The following SLC30A9 variants were observed in gnomAD, a reference collection of about 807,000 sequenced individuals.
SLC30A9 encodes proton-coupled zinc antiporter SLC30A9, mitochondrial.
Under a neutral mutation model 87.5 loss-of-function variants are expected in SLC30A9, and 58 were observed. That is an observed-to-expected ratio of 0.66 (90% CI 0.54 to 0.82). SLC30A9 has a LOEUF of 0.82. SLC30A9 is among the 40% of genes least tolerant of loss of function. The probability of loss-of-function intolerance (pLI) is 0.00; values close to 1 mark genes in which losing one functional copy is unlikely to be tolerated. For synonymous variants in SLC30A9, 234 were observed against 233.0 expected, an observed-to-expected ratio of 1.00 and a Z score of -0.04; for missense variants, 557 against 679.1, an observed-to-expected ratio of 0.82 and a Z score of 2.00.
intron 17 of SLC30A9, among the ~76,000 whole-genome samples, chr4:42,080,078 C>A (rs989353317): frequency 6.6e-6 from 1 of 152,052 alleles, no homozygotes; most frequent in Non-Finnish European, 1.5e-5. Flanking sequence ...ATTGTTTGGC[C>A]GAAGAACATG....
At chr4:41,990,839 C>T in intron 1 of SLC30A9, 79 bp downstream of exon 1, 1 of 1,015,798 alleles carries the variant, frequency 9.8e-7, no homozygotes, top group Non-Finnish European at 1.5e-6. Flanking sequence ...TCGCCTGGGG[C>T]AATTCGCCCA....
intron 14 of SLC30A9, among the ~76,000 whole-genome samples, chr4:42,067,757 C>T (rs1577719218): frequency 6.6e-6 from 1 of 152,142 alleles, no homozygotes; most frequent in African/African-American, 2.4e-5. Context: ...ATCACAATGC[C>T]GTACATGGTC....
intron 17 of SLC30A9, among the ~76,000 whole-genome samples, chr4:42,081,353 G>T (rs1718735111): frequency 6.6e-6 from 1 of 152,000 alleles, no homozygotes; most frequent in African/African-American, 2.4e-5. Flanking sequence ...ATGACTACTG[G>T]TATTGTTTGA....
At chr4:42,075,921 G>C in intron 16 of SLC30A9, 135 bp downstream of exon 16, 1 of 758,368 alleles carries the variant, frequency 1.3e-6, no homozygotes, top group Non-Finnish European at 2.1e-6. Flanking sequence ...ATTTAACAGA[G>C]ACCTTTATAT....
intron 3 of SLC30A9, among the ~76,000 whole-genome samples, chr4:42,019,242 G>A (rs543694934): frequency 4.6e-5 from 7 of 152,162 alleles, no homozygotes; most frequent in South Asian, 2.1e-4. Context: ...ATGACAATTC[G>A]AAATAGAACA....
In SLC30A9 at chr4:42,070,705, C is replaced by T; in HGVS notation, c.1418+14C>T. On this transcript the variant is annotated intron_variant, in intron 15 of 17. Transcript: ENST00000264451. ...CCCATCAGTAAGGTCAGCCTTATTC[C>T]AGTAATCCTGTTAAGGCTTACAAAA... 2 of 1,606,262 alleles carry T rather than the reference C, an allele frequency of 1.2e-6. No homozygotes were observed. The highest frequency in any genetic ancestry group is 1.7e-6 in the Non-Finnish European group (2 of 1,175,416).
At chr4:42,034,737 T>C (rs1050530790) in intron 6 of SLC30A9, among the ~76,000 whole-genome samples, 3 of 152,244 alleles carry the variant, frequency 2.0e-5, no homozygotes, top group Non-Finnish European at 2.9e-5. Context: ...GCTATGAACA[T>C]GGGCATGTAA....
intron 8 of SLC30A9, among the ~76,000 whole-genome samples, chr4:42,044,679 T>C (rs1717071024): frequency 6.6e-6 from 1 of 152,188 alleles, no homozygotes; most frequent in Admixed American, 6.5e-5. Context: ...TTAACAAGGA[T>C]ATTCAGGACT....
At chr4:42,059,071 TAAGTA>T (rs1316443467) in intron 9 of SLC30A9, among the ~76,000 whole-genome samples, 1 of 152,162 alleles carries the variant, frequency 6.6e-6, no homozygotes, top group South Asian at 2.1e-4. Flanking sequence ...ATATTTGTAT[TAAGTA>T]TTTTCAAGTT....
chr4:42,029,412 T>C, intron 6 of SLC30A9: 2 of 608,610 alleles, frequency 3.3e-6, no homozygotes, highest in Non-Finnish European at 6.3e-6. Context: ...AACCCACATA[T>C]CAGAACCACA....
intron 1 of SLC30A9, among the ~76,000 whole-genome samples, chr4:41,998,451 A>G (rs933327373): frequency 1.4e-5 from 2 of 144,930 alleles, no homozygotes; most frequent in African/African-American, 2.4e-5. Context: ...GAATTAATGA[A>G]TTCAGTAATT....
chr4:42,056,617 C>T (rs768576509), intron 9 of SLC30A9, among the ~76,000 whole-genome samples: 54 of 152,090 alleles, frequency 3.6e-4, no homozygotes, highest in South Asian at 1.0e-3. Context: ...CATATCTTCC[C>T]GCCCCAGCCC....
rs139457245 is a variant in SLC30A9 at position 42,083,650 on chromosome 4, G to A, written c.1663-2432G>A. ...ATTAGTACACATTTATTTATATCAT[G>A]CTTTTTAGACAGAATAATGTCAAAC... On this transcript the variant is annotated intron_variant, in intron 17 of 17. Coordinates refer to ENST00000264451, the MANE Select transcript of SLC30A9 (RefSeq NM_006345.4). Among the ~76,000 whole-genome samples, 635 of 134,776 alleles carry A rather than the reference G, an allele frequency of 4.7e-3. 6 individuals carry two copies. The highest frequency in any genetic ancestry group is 0.015 in the African/African-American group (591 of 40,428). The allele number at this position is 134,776 out of a possible 152,430, so 88.4% of individuals were successfully genotyped here.
intron 9 of SLC30A9, among the ~76,000 whole-genome samples, chr4:42,058,430 A>G (rs545495105): frequency 9.2e-5 from 14 of 152,290 alleles, no homozygotes; most frequent in South Asian, 2.1e-4. Context: ...ACATTTTCCT[A>G]TCTTTTTCTG....
chr4:42,007,675 C>T lies in SLC30A9; in HGVS notation c.274+5895C>T, dbSNP rs541864156. Among the ~76,000 whole-genome samples the T allele has an allele frequency of 1.1e-3, 164 of 152,108 alleles. 3 individuals are homozygous for T. In the South Asian group the frequency reaches 0.017, roughly 16 times the overall value. ...GGGAGGCTGAGGCAGGAGAATCGCT[C>T]GAACCCAGGAGGGAGAGGTTGCAGT... On this transcript the variant is annotated intron_variant, in intron 2 of 17. Transcript: ENST00000264451.
At chr4:42,071,831 G>A (rs1391509762) in intron 15 of SLC30A9, among the ~76,000 whole-genome samples, 1 of 152,174 alleles carries the variant, frequency 6.6e-6, no homozygotes, top group East Asian at 1.9e-4. Context: ...GAATGAGTTG[G>A]GAAATGTTCT....
intron 2 of SLC30A9, among the ~76,000 whole-genome samples, chr4:42,015,373 A>G (rs78523703): frequency 0.031 from 4,652 of 152,292 alleles, 113 homozygotes; most frequent in Non-Finnish European, 0.045. Context: ...AGACGGCAGG[A>G]AAAGCGAAAT....
intron 2 of SLC30A9, among the ~76,000 whole-genome samples, chr4:42,010,988 A>G (rs748058919): frequency 4.6e-5 from 7 of 152,126 alleles, no homozygotes; most frequent in Non-Finnish European, 8.8e-5. Context: ...ACCCCCACAG[A>G]AGGAGACTGA....
intron 12 of SLC30A9, among the ~76,000 whole-genome samples, 192 bp downstream of exon 12, chr4:42,065,541 G>T (rs1027998501): frequency 2.0e-5 from 3 of 152,112 alleles, no homozygotes; most frequent in Admixed American, 6.6e-5. Context: ...GGATAGCTGT[G>T]GGGGGGTGTG....
Sources: allele counts gnomAD v4.1 joint callset (sites outside exome capture counted in the v4.1 genomes callset), GRCh38; gene constraint gnomAD v4.1.1; transcripts MANE v1.5; gene names NCBI Gene and HGNC (gene_info 2026-07-23, HGNC 2026-07-21).